The following NOL4L variants were observed in gnomAD, a reference collection of about 807,000 sequenced individuals.
The protein encoded by NOL4L is nucleolar protein 4 like, also known as nucleolar protein 4-like.
In NOL4L, 7 loss-of-function variants were observed where a neutral mutation model predicts 64.5. The observed-to-expected ratio is 0.11, with a 90% CI of 0.06 to 0.20. The LOEUF is 0.20. Among genes scored for constraint, NOL4L ranks in the 10% least tolerant of loss-of-function variants. The pLI, the probability that NOL4L is intolerant of heterozygous loss-of-function variation, is 1.00. For synonymous variants in NOL4L, 413 were observed against 401.0 expected, an observed-to-expected ratio of 1.03 and a Z score of -0.36; for missense variants, 680 against 967.1, an observed-to-expected ratio of 0.70 and a Z score of 3.94.
intron 1 of NOL4L, 122 bp downstream of exon 1, chr20:32,584,448 C>G: frequency 4.9e-6 from 4 of 820,706 alleles, no homozygotes; most frequent in Non-Finnish European, 4.9e-6. Flanking sequence ...CCGGCGGGCC[C>G]GACACACGGA....
chr20:32,485,007 G>A (rs752142187), intron 4 of NOL4L, among the ~76,000 whole-genome samples: 8 of 130,906 alleles, frequency 6.1e-5, no homozygotes, highest in African/African-American at 1.2e-4. Context: ...AAAAGCTTGT[G>A]CTTCAACAAG....
intron 4 of NOL4L, among the ~76,000 whole-genome samples, chr20:32,508,972 G>A (rs1251000155): frequency 1.3e-5 from 2 of 152,118 alleles, no homozygotes; most frequent in Non-Finnish European, 2.9e-5. Flanking sequence ...GAGCCACAAG[G>A]CCTTTGCATA....
chr20:32,510,364 T>C (rs2017343449), intron 4 of NOL4L: 1 of 226,454 alleles, frequency 4.4e-6, no homozygotes, highest in Non-Finnish European at 9.1e-6. Flanking sequence ...GCTGAAGTCC[T>C]CAAACTGGGT....
Position 32,468,917 on chromosome 20 carries a change from A to AAAGAAAG in NOL4L, c.841+5683_841+5684insCTTTCTT, listed in dbSNP as rs60432370. ...CTCCATCTCAAAAAAAAAAAAAAAA[A>AAAGAAAG]AAAGAAAGAAAGAAAGAAAGAAAAA... On this transcript the variant is annotated intron_variant, in intron 5 of 10. Coordinates refer to ENST00000621426, the MANE Select transcript of NOL4L (RefSeq NM_001256798.2). Among the ~76,000 whole-genome samples the AAAGAAAG allele has an allele frequency of 1.1e-3, 123 of 109,780 alleles. No individual in the cohort carries two copies. In the Middle Eastern group the frequency reaches 0.016, roughly 15 times the overall value. 72.0% of individuals were successfully genotyped at this position (109,780 alleles called of 152,430 possible).
At chr20:32,498,035 T>C (rs906947573) in intron 4 of NOL4L, among the ~76,000 whole-genome samples, 1 of 152,236 alleles carries the variant, frequency 6.6e-6, no homozygotes, top group African/African-American at 2.4e-5. Context: ...AAAGGCCACC[T>C]TGGCATTCTC....
At chr20:32,510,263 C>T (rs2017338180) in intron 4 of NOL4L, 1 of 334,238 alleles carries the variant, frequency 3.0e-6, no homozygotes, top group Non-Finnish European at 5.9e-6. Context: ...CGTCACACAG[C>T]CTCTAGGGTC....
At chr20:32,552,414 C>T (rs184201788) in intron 1 of NOL4L, among the ~76,000 whole-genome samples, 2 of 152,098 alleles carry the variant, frequency 1.3e-5, no homozygotes, top group Non-Finnish European at 2.9e-5. Flanking sequence ...TGGCAGTGCG[C>T]GGTAGCTCAT....
intron 1 of NOL4L, among the ~76,000 whole-genome samples, chr20:32,580,263 A>T (rs916902577): frequency 6.6e-6 from 1 of 152,166 alleles, no homozygotes; most frequent in Non-Finnish European, 1.5e-5. Context: ...GCTGATGCGT[A>T]TCAGCGCCTC....
At chr20:32,472,876 C>T (rs2015119058) in intron 5 of NOL4L, among the ~76,000 whole-genome samples, 1 of 152,102 alleles carries the variant, frequency 6.6e-6, no homozygotes, top group African/African-American at 2.4e-5. Context: ...TGTCTGACTA[C>T]CCCAGGCTGA....
Position 32,584,133 on chromosome 20 carries a change from G to GCACACACA in NOL4L, c.321+429_321+436dup, listed in dbSNP as rs745461984. Among the ~76,000 whole-genome samples the GCACACACA allele has an allele frequency of 4.3e-3, 386 of 88,802 alleles. 6 individuals are homozygous for GCACACACA. The highest frequency in any genetic ancestry group is 0.017 in the African/African-American group (321 of 19,154). 58.3% of individuals were successfully genotyped at this position (88,802 alleles called of 152,430 possible). ...CCCCGCGGCACCACCCTCCGCGCGCGCACACACACACACACACACACACAC... is the reference window on the plus strand; with the variant it reads ...CCCCGCGGCACCACCCTCCGCGCGCGCACACACACACACACACACACACACACACACAC... On this transcript the variant is annotated intron_variant, in intron 1 of 10. Coordinates refer to ENST00000621426, the MANE Select transcript of NOL4L (RefSeq NM_001256798.2).
In NOL4L at chr20:32,447,766, G is replaced by GGGTGGTGGA; in HGVS notation, c.1864_1872dup (p.Ser622_Thr624dup). The GGGTGGTGGA allele has an allele frequency of 6.3e-7, 1 of 1,589,276 alleles. No homozygotes were observed. Among genetic ancestry groups the GGGTGGTGGA allele is most frequent in the Non-Finnish European group, 8.6e-7 (1 of 1,164,520 alleles). ...CTGGTGCTGGAGGGGGTGGGCGTGG[G>GGGTGGTGGA]GGTGGTGGAGGTGGTAGAGGCCCCG... On this transcript the variant is annotated inframe_insertion, in exon 11 of 11. Transcript: ENST00000621426.
chr20:32,583,218 T>G (rs946524401), intron 1 of NOL4L, among the ~76,000 whole-genome samples: 1 of 151,312 alleles, frequency 6.6e-6, no homozygotes, highest in Non-Finnish European at 1.5e-5. Flanking sequence ...CCCCGCGGCC[T>G]GCAGCCCCGT....
At chr20:32,550,799 G>C (rs1004498403) in intron 1 of NOL4L, among the ~76,000 whole-genome samples, 70 of 152,056 alleles carry the variant, frequency 4.6e-4, no homozygotes, top group African/African-American at 1.3e-3. Context: ...AGAATCGCTT[G>C]AACCCAGGAG....
intron 1 of NOL4L, among the ~76,000 whole-genome samples, chr20:32,529,207 T>C (rs2018254138): frequency 6.6e-6 from 1 of 152,204 alleles, no homozygotes; most frequent in South Asian, 2.1e-4. Context: ...GCTTCGAGCT[T>C]CAGGCCCTTT....
At chr20:32,546,284 C>A (rs754844073) in intron 1 of NOL4L, among the ~76,000 whole-genome samples, 2 of 149,088 alleles carry the variant, frequency 1.3e-5, no homozygotes, top group Non-Finnish European at 3.0e-5. Context: ...GAGTTTTGCT[C>A]GTTACTCAGG....
At chr20:32,547,316 GA>G (rs2018745916) in intron 1 of NOL4L, among the ~76,000 whole-genome samples, 1 of 152,104 alleles carries the variant, frequency 6.6e-6, no homozygotes, top group Non-Finnish European at 1.5e-5. Context: ...TTTGAGAGAG[GA>G]TCCCATTCTG....
intron 1 of NOL4L, among the ~76,000 whole-genome samples, chr20:32,531,967 G>T (rs1454427470): frequency 6.6e-6 from 1 of 152,074 alleles, no homozygotes; most frequent in East Asian, 1.9e-4. Flanking sequence ...CCACAAACTT[G>T]GAATAAGCTT....
intron 4 of NOL4L, among the ~76,000 whole-genome samples, chr20:32,477,694 AGGCTGGTG>A (rs1347702616): frequency 1.3e-5 from 2 of 152,232 alleles, no homozygotes; most frequent in East Asian, 3.8e-4. Flanking sequence ...CCCAGGATGC[AGGCTGGTG>A]GGCTGGTGGC....
chr20:32,491,194 C>A (rs1337022613), intron 4 of NOL4L, among the ~76,000 whole-genome samples: 1 of 152,184 alleles, frequency 6.6e-6, no homozygotes. Flanking sequence ...TCCTGATCTG[C>A]ATGCTGGTCA....
Sources: allele counts gnomAD v4.1 joint callset (sites outside exome capture counted in the v4.1 genomes callset), GRCh38; gene constraint gnomAD v4.1.1; transcripts MANE v1.5; gene names NCBI Gene and HGNC (gene_info 2026-07-23, HGNC 2026-07-21).